Variants in LRRC45 observed in about 807,000 individuals in gnomAD.
LRRC45 encodes the protein leucine rich repeat containing 45, also known as leucine-rich repeat-containing protein 45.
Under a neutral mutation model 85.4 loss-of-function variants are expected in LRRC45, and 73 were observed. The ratio of observed to expected loss-of-function variants is 0.85; its 90% confidence interval spans 0.71 to 1.04. The LOEUF (loss-of-function observed/expected upper bound fraction) is 1.04, where lower values mean the gene tolerates loss of function less well. Among genes scored for constraint, LRRC45 ranks in the 50% least tolerant of loss-of-function variants. LRRC45 has a pLI of 0.00. For synonymous variants in LRRC45, 429 were observed against 386.0 expected (o/e 1.11, Z -1.31); for missense variants, 937 against 883.3 (o/e 1.06, Z -0.77).
Position 82,029,100 on chromosome 17 carries a change from A to G in LRRC45, c.1316A>G (p.His439Arg), listed in dbSNP as rs371710964. The G allele has an allele frequency of 3.1e-6, 5 of 1,612,496 alleles. No homozygotes were observed. In the Admixed American group the frequency reaches 5.0e-5, roughly 16 times the overall value. ...ATCCCTGCCCCTGAGCAGGTGGAGC[A>G]TATGACCCGTCACCTGGAGGAGAGT... ...SESLRIKEVE[H>R]MTRHLEESEK... Residue 439 changes from histidine to arginine, a missense_variant, in exon 13 of 17, where the codon CAT becomes CGT. Physicochemically the swap from His to Arg is conservative, Grantham distance 29 (BLOSUM62 0). Coordinates refer to ENST00000306688, the MANE Select transcript of LRRC45 (RefSeq NM_144999.4).
In LRRC45 at chr17:82,030,324, G is replaced by A. The variant is rs1440806410; in HGVS notation, c.1674G>A (p.Leu558=). The A allele has an allele frequency of 1.9e-6, 3 of 1,549,264 alleles. No individual in the cohort carries two copies. The highest frequency in any genetic ancestry group is 3.9e-5 in the Admixed American group (2 of 51,004). The change falls in exon 16 of 17, where the codon CTG becomes CTA. Residue 558 remains leucine, a synonymous_variant. Coordinates refer to ENST00000306688, the MANE Select transcript of LRRC45 (RefSeq NM_144999.4). The stretch of plus-strand genomic sequence containing the variant: ...CCAGCCTTCGTGCCTGGCAGGAGCT[G>A]AGCCTCAAGGACCAGGAAAGGGTGG... ...RRRLEELQQE[L]SLKDQERVAE... is the part of the protein sequence containing the mutation.
In LRRC45 at chr17:82,028,402, C is replaced by G; in HGVS notation, c.1131C>G (p.Asp377Glu). Reference protein sequence around the residue: ...EKNLLLQNQVDELERKFRCQQ... With the variant: ...EKNLLLQNQVEELERKFRCQQ... Reference sequence around the variant, plus strand: ...TCCCTGGTGCCGGCTTTCAGGTAGACGAGTTGGAGCGGAAGTTCAGGTGTC... The same window carrying G: ...TCCCTGGTGCCGGCTTTCAGGTAGAGGAGTTGGAGCGGAAGTTCAGGTGTC... Residue 377 changes from aspartate to glutamate, a missense_variant, in exon 11 of 17, where the codon GAC becomes GAG. Transcript: ENST00000306688. The G allele has an allele frequency of 6.2e-7, 1 of 1,612,592 alleles. No individual in the cohort carries two copies. The highest frequency in any genetic ancestry group is 8.5e-7 in the Non-Finnish European group (1 of 1,179,938).
At chr17:82,028,533 G>C in intron 11 of LRRC45, 25 bp downstream of exon 11, 1 of 1,611,808 alleles carries the variant, frequency 6.2e-7, no homozygotes, top group Non-Finnish European at 8.5e-7. Flanking sequence ...GCCTGCTGTG[G>C]AGGGGCCTGG....
chr17:82,028,349 G>T (rs781507380), intron 10 of LRRC45, 38 bp downstream of exon 10: 15 of 1,605,962 alleles, frequency 9.3e-6, no homozygotes, highest in Non-Finnish European at 8.5e-7. Context: ...CCCAGGGTGG[G>T]CGCGGCAGGG....
intron 8 of LRRC45, 29 bp from the exon 9 acceptor site, chr17:82,027,982 G>T: frequency 6.3e-7 from 1 of 1,578,260 alleles, no homozygotes; most frequent in South Asian, 1.1e-5. Flanking sequence ...CTCCAACCGG[G>T]GCGGGGGTGC....
Position 82,024,983 on chromosome 17 carries a change from T to C in LRRC45, c.354-17T>C, listed in dbSNP as rs906240738. The C allele has an allele frequency of 3.6e-5, 56 of 1,546,502 alleles. No individual in the cohort carries two copies. The highest frequency in any genetic ancestry group is 1.1e-4 in the Admixed American group (6 of 52,750). ...GGCAGTCCCCTAGGTGAACACTGGC[T>C]TCTGCCCCTCCTGCAGCCTCACGCT... On this transcript the variant is annotated splice_polypyrimidine_tract_variant and intron_variant, in intron 3 of 16. Coordinates refer to ENST00000306688, the MANE Select transcript of LRRC45 (RefSeq NM_144999.4).
At chr17:82,025,300 C>T (rs973088104) in intron 4 of LRRC45, 79 bp from the exon 5 acceptor site, 3 of 1,527,584 alleles carry the variant, frequency 2.0e-6, no homozygotes, top group Non-Finnish European at 2.6e-6. Flanking sequence ...AGGCAGTGCC[C>T]CCTAGGGAAG....
rs771062051 is a variant in LRRC45 at position 82,027,433 on chromosome 17, C to T, written c.822C>T (p.Ala274=). Reference sequence around the variant, plus strand: ...TTGATAAGCAGCGAGAAGAGATGGCCAAGAGCAGCAGGTGAGCGGGCCCAG... The same window carrying T: ...TTGATAAGCAGCGAGAAGAGATGGCTAAGAGCAGCAGGTGAGCGGGCCCAG... ...ETIDKQREEM[A]KSSRASAARV... Residue 274 remains alanine (A), a synonymous_variant, in exon 7 of 17, where the codon GCC becomes GCT. Transcript: ENST00000306688. 2 of 1,612,594 alleles carry T rather than the reference C, an allele frequency of 1.2e-6. No homozygotes were observed. The highest frequency in any genetic ancestry group is 3.3e-5 in the Admixed American group (2 of 60,004).
intron 5 of LRRC45, 93 bp downstream of exon 5, chr17:82,025,600 G>A: frequency 7.1e-7 from 1 of 1,406,780 alleles, no homozygotes; most frequent in East Asian, 2.5e-5. Context: ...GGGAACTGAT[G>A]AGGAGAGCAG....
chr17:82,030,500 G>C, intron 16 of LRRC45, 34 bp downstream of exon 16: 1 of 1,531,488 alleles, frequency 6.5e-7, no homozygotes, highest in Non-Finnish European at 8.8e-7. Flanking sequence ...GCCGCCCACT[G>C]GTGGGACGTG....
At position 82,028,316 on chromosome 17, in the gene LRRC45, C is replaced by G; in HGVS notation, c.1125+5C>G. On this transcript the variant is annotated splice_donor_5th_base_variant and intron_variant, in intron 10 of 16. Coordinates refer to ENST00000306688, the MANE Select transcript of LRRC45 (RefSeq NM_144999.4). ...AACCTGCTTCTGCAAAACCAGGTAG[C>G]TGTGGTGGATGGAGCCAGGGAGCCC... 1 of 1,598,334 alleles carries G rather than the reference C, an allele frequency of 6.3e-7. No individual in the cohort carries two copies. Among genetic ancestry groups the G allele is most frequent in the East Asian group, 2.2e-5 (1 of 44,454 alleles).
rs1361818521 is a variant in LRRC45 at position 82,029,949 on chromosome 17, C to T, written c.1495-116C>T. Reference sequence around the variant, plus strand: ...GCTGCCAGGGGAGCGGGTTCAGAGTCATAGTAACTAGAGCAGCCAGTCCTG... The same window carrying T: ...GCTGCCAGGGGAGCGGGTTCAGAGTTATAGTAACTAGAGCAGCCAGTCCTG... On this transcript the variant is annotated intron_variant, in intron 14 of 16. Transcript: ENST00000306688. 3.1e-6 allele frequency: 4 copies of T among 1,307,410 alleles called. No individual in the cohort carries two copies. In the East Asian group the frequency reaches 1.0e-4, roughly 33 times the overall value. The allele number at this position is 1,307,410 out of a possible 1,614,324, so 81.0% of individuals were successfully genotyped here.
Position 82,030,598 on chromosome 17 carries a change from T to C in LRRC45, c.1817-11T>C. On this transcript the variant is annotated splice_polypyrimidine_tract_variant and intron_variant, in intron 16 of 16. Coordinates refer to ENST00000306688, the MANE Select transcript of LRRC45 (RefSeq NM_144999.4). ...GGGCTGCGTCCGCTCACTGCGCTCC[T>C]TGCCCTGCAGTGATGGCGAGCGACC... The C allele has an allele frequency of 6.8e-7, 1 of 1,460,004 alleles. No individual in the cohort carries two copies. The highest frequency in any genetic ancestry group is 9.0e-7 in the Non-Finnish European group (1 of 1,109,006). The allele number at this position is 1,460,004 out of a possible 1,614,324, so 90.4% of individuals were successfully genotyped here.
intron 6 of LRRC45, among the ~76,000 whole-genome samples, 162 bp from the exon 7 acceptor site, chr17:82,027,224 G>A (rs1477072860): frequency 6.6e-6 from 1 of 152,206 alleles, no homozygotes; most frequent in Non-Finnish European, 1.5e-5. Context: ...CTGAGGCCTC[G>A]CTCTGCAGGG....
intron 2 of LRRC45, 61 bp from the exon 3 acceptor site, chr17:82,024,632 T>C (rs760825911): frequency 4.6e-6 from 7 of 1,517,326 alleles, no homozygotes; most frequent in Non-Finnish European, 5.3e-6. Flanking sequence ...CCTTGGGGCA[T>C]GGGCGGGAAT....
At chr17:82,024,416 G>A (rs942787717) in intron 2 of LRRC45, 77 bp downstream of exon 2, 3 of 1,560,576 alleles carry the variant, frequency 1.9e-6, no homozygotes, top group East Asian at 2.2e-5. Flanking sequence ...CCAGGTCTCG[G>A]GGGCCTGGGG....
rs2043355512 is a variant in LRRC45, at chr17:82,025,009, G to A, written c.363G>A (p.Leu121=). 6.3e-7 allele frequency: 1 copy of A among 1,586,568 alleles called. No individual in the cohort carries two copies. The highest frequency in any genetic ancestry group is 8.6e-7 in the Non-Finnish European group (1 of 1,165,902). Residue 121 remains leucine, a synonymous_variant, in exon 4 of 17, where the codon CTG becomes CTA. Coordinates refer to ENST00000306688, the MANE Select transcript of LRRC45 (RefSeq NM_144999.4). The part of the protein sequence containing the change: ...QQNKSIQSLT[L]EWNSLGTWDD... ...TCTGCCCCTCCTGCAGCCTCACGCT[G>A]GAGTGGAACAGCCTGGGCACGTGGG... is the stretch of plus-strand genomic sequence containing the variant.
intron 14 of LRRC45, 61 bp from the exon 15 acceptor site, chr17:82,030,004 A>T: frequency 6.8e-7 from 1 of 1,467,826 alleles, no homozygotes; most frequent in African/African-American, 1.4e-5. Context: ...CCGTGCAGAC[A>T]TTCCCTCAGC....
chr17:82,028,586 C>A, intron 11 of LRRC45, 27 bp from the exon 12 acceptor site: 1 of 1,612,624 alleles, frequency 6.2e-7, no homozygotes, highest in Non-Finnish European at 8.5e-7. Flanking sequence ...GATGCTCACG[C>A]ATACTCTGCC....
Sources: gnomAD v4.1 joint callset for allele counts (sites outside exome capture counted in the v4.1 genomes callset) on GRCh38, gnomAD v4.1.1 for gene constraint, MANE v1.5 for transcripts, NCBI Gene and HGNC (gene_info 2026-07-23, HGNC 2026-07-21) for gene names.